SYT7: variants seen among roughly 807,000 people sequenced by gnomAD.
SYT7 encodes synaptotagmin-7.
A neutral mutation model predicts 75.1 loss-of-function variants in SYT7; 29 were observed. The ratio of observed to expected loss-of-function variants is 0.39; its 90% CI spans 0.29 to 0.53. The LOEUF (loss-of-function observed/expected upper bound fraction) is 0.53. Among genes scored for constraint, SYT7 ranks in the 20% least tolerant of loss-of-function variants. The probability of loss-of-function intolerance (pLI) is 0.77; values close to 1 mark genes in which losing one functional copy is unlikely to be tolerated. For synonymous variants in SYT7, 376 were observed against 401.7 expected (o/e 0.94, Z 0.76); for missense variants, 693 against 953.2 (o/e 0.73, Z 3.59).
At position 61,518,420 on chromosome 11, in the gene SYT7, G is replaced by GC. The variant is rs2062203871; in HGVS notation, c.*206dup. ...GCAAAGCAGGAAAATGCCTCCCAGA[G>GC]CCCCTTCCCCGGAGCTGGACTGTGG... is the stretch of plus-strand genomic sequence containing the variant. On this transcript the variant is annotated 3_prime_UTR_variant, in exon 13 of 13. Coordinates refer to ENST00000539008, the MANE Select transcript of SYT7 (RefSeq NM_001365809.2). 9.7e-6 allele frequency: 4 copies of GC among 412,796 alleles called. No individual in the cohort carries two copies. The highest frequency in any genetic ancestry group is 3.5e-5 in the East Asian group (1 of 28,276). The allele number at this position is 412,796 out of a possible 1,614,324, so 25.6% of individuals were successfully genotyped here. A position where few individuals can be genotyped will look rare whatever the true frequency, so the allele number is the denominator to read the frequency against.
intron 1 of SYT7, among the ~76,000 whole-genome samples, chr11:61,561,910 G>C (rs1252412011): frequency 1.3e-5 from 2 of 152,048 alleles, no homozygotes; most frequent in African/African-American, 4.8e-5. Flanking sequence ...TATCTCATTT[G>C]TCACCCAAAT....
rs2064209044 is a variant in SYT7, at chr11:61,580,131, G to A, written c.31+659C>T. 6.6e-6 allele frequency among the ~76,000 whole-genome samples: 1 copy of A among 151,928 alleles called. No individual in the cohort carries two copies. The highest frequency in any genetic ancestry group is 1.5e-5 in the Non-Finnish European group (1 of 67,948). On this transcript the variant is annotated intron_variant, in intron 1 of 12. Coordinates refer to ENST00000539008, the MANE Select transcript of SYT7 (RefSeq NM_001365809.2). This position sits in a 1 kb window ranked among gnomAD's most constrained non-coding sequence, Gnocchi z 6.1. ...ACCCCAGGACGGGAGAGAGTTTGGGGTTGTTTGCTTCCCCCTCCCCAAACC... is the reference window on the plus strand; with the variant it reads ...ACCCCAGGACGGGAGAGAGTTTGGGATTGTTTGCTTCCCCCTCCCCAAACC...
chr11:61,531,765 A>G (rs377211975), intron 8 of SYT7, among the ~76,000 whole-genome samples: 1 of 151,688 alleles, frequency 6.6e-6, no homozygotes, highest in African/African-American at 2.4e-5. Flanking sequence ...GTGGTGGTGT[A>G]CTACTGTAAT....
intron 1 of SYT7, among the ~76,000 whole-genome samples, chr11:61,557,940 C>T (rs905068476): frequency 2.6e-5 from 4 of 152,352 alleles, no homozygotes; most frequent in East Asian, 1.9e-4. Context: ...CACAGCCCCA[C>T]GGCCCATGGC....
At chr11:61,582,334 C>T (rs554614016), upstream of SYT7, among the ~76,000 whole-genome samples, 2 of 152,244 alleles carry the variant, frequency 1.3e-5, no homozygotes, top group African/African-American at 2.4e-5. Context: ...TTATTTCCAC[C>T]CTGAGAAATC....
At position 61,542,302 on chromosome 11, in the gene SYT7, C is replaced by T. The variant is rs2063065699; in HGVS notation, c.850G>A (p.Ala284Thr). The T allele has an allele frequency of 6.5e-7, 1 of 1,534,214 alleles. No homozygotes were observed. The highest frequency in any genetic ancestry group is 8.7e-7 in the Non-Finnish European group (1 of 1,146,028). Residue 284 changes from alanine to threonine, a missense_variant, in exon 6 of 13, where the codon GCG becomes ACG. By Grantham distance (58) the Ala-to-Thr change is moderately conservative. Transcript: ENST00000539008. This position sits in a 1 kb window ranked among gnomAD's most constrained non-coding sequence, Gnocchi z 7.8. ...TTGGAGCGGCTGCGGCCCCCTGCCG[C>T]CCGGTACTTGGAGCCGGCCGAGGTG... ...QGTSAGSKYR[A>T]AGGRSRSNPG...
At chr11:61,533,800 T>G (rs2062783734) in intron 7 of SYT7, 30 of 384,426 alleles carry the variant, frequency 7.8e-5, no homozygotes, top group Non-Finnish European at 1.0e-4. Flanking sequence ...ATTTTAATTT[T>G]GTTGAATGTA....
chr11:61,536,855 C>T (rs1298187861), intron 7 of SYT7, among the ~76,000 whole-genome samples: 1 of 152,208 alleles, frequency 6.6e-6, no homozygotes, highest in Non-Finnish European at 1.5e-5. Flanking sequence ...CTTCTGGCCC[C>T]TAGGGGCCTC....
chr11:61,557,169 G>A (rs2063520984), intron 1 of SYT7, among the ~76,000 whole-genome samples: 1 of 152,136 alleles, frequency 6.6e-6, no homozygotes, highest in Admixed American at 6.5e-5. Flanking sequence ...TGTAAGTAAG[G>A]CAAAAACTTT....
intron 7 of SYT7, among the ~76,000 whole-genome samples, chr11:61,536,285 C>T: frequency 6.6e-6 from 1 of 152,160 alleles, no homozygotes; most frequent in Non-Finnish European, 1.5e-5. Flanking sequence ...TGGAGTGAGA[C>T]CTAAGTGGCA....
Position 61,580,105 on chromosome 11 carries a change from C to A in SYT7, c.31+685G>T, listed in dbSNP as rs1206552992. Reference sequence around the variant, plus strand: ...AAGGCAAAGGAGTTCGGCCCTCCCCCACCCCAGGACGGGAGAGAGTTTGGG... The same window carrying A: ...AAGGCAAAGGAGTTCGGCCCTCCCCAACCCCAGGACGGGAGAGAGTTTGGG... On this transcript the variant is annotated intron_variant, in intron 1 of 12. Coordinates refer to ENST00000539008, the MANE Select transcript of SYT7 (RefSeq NM_001365809.2). This position sits in a 1 kb window ranked among gnomAD's most constrained non-coding sequence, Gnocchi z 6.1. Among the ~76,000 whole-genome samples the A allele has an allele frequency of 6.6e-6, 1 of 152,056 alleles. No individual in the cohort carries two copies. Among genetic ancestry groups the A allele is most frequent in the Non-Finnish European group, 1.5e-5 (1 of 67,982 alleles).
At chr11:61,550,569 T>A (rs1218475951) in intron 3 of SYT7, among the ~76,000 whole-genome samples, 2 of 152,092 alleles carry the variant, frequency 1.3e-5, no homozygotes, top group Non-Finnish European at 2.9e-5. Context: ...GATGTGGGGT[T>A]ACCACCCCTA....
At chr11:61,567,182 C>G (rs1390604803) in intron 1 of SYT7, among the ~76,000 whole-genome samples, 1 of 152,192 alleles carries the variant, frequency 6.6e-6, no homozygotes, top group African/African-American at 2.4e-5. Context: ...CCTGTTCTGT[C>G]ACTTCCAGTT....
chr11:61,584,507 G>A (rs1443560831), upstream of SYT7, among the ~76,000 whole-genome samples: 2 of 152,102 alleles, frequency 1.3e-5, no homozygotes, highest in Admixed American at 6.6e-5. Flanking sequence ...TAACAGAGAC[G>A]ACACATACTC....
chr11:61,579,557 A>G (rs2064184984), intron 1 of SYT7, among the ~76,000 whole-genome samples: 1 of 152,060 alleles, frequency 6.6e-6, no homozygotes, highest in South Asian at 2.1e-4. Context: ...CCGATTCCTC[A>G]GGAGGCAGGG....
chr11:61,545,926 G>A lies in SYT7; in HGVS notation c.572+105C>T, dbSNP rs955012728. 46 of 1,038,190 alleles carry A rather than the reference G, an allele frequency of 4.4e-5. 1 individual carries two copies. The highest frequency in any genetic ancestry group is 2.5e-4 in the East Asian group (9 of 36,276). 64.3% of individuals were successfully genotyped at this position (1,038,190 alleles called of 1,614,324 possible). A position where few individuals can be genotyped will look rare whatever the true frequency, so the allele number is the denominator to read the frequency against. ...ATGGAATGAGCCAGGGGCCGAGGAC[G>A]GCACCTCTGGGGGCAGCAGCGGGCA... On this transcript the variant is annotated intron_variant, in intron 5 of 12. Transcript: ENST00000539008.
In SYT7 at chr11:61,524,582, G is replaced by A. The variant is rs200985713; in HGVS notation, c.1472-50C>T. Reference sequence around the variant, plus strand: ...GAAGAGGGGGACAGAGGGGCTGCACGGGGCCCGGGAGGCAAGGAAGGCCCT... The same window carrying A: ...GAAGAGGGGGACAGAGGGGCTGCACAGGGCCCGGGAGGCAAGGAAGGCCCT... On this transcript the variant is annotated intron_variant, in intron 9 of 12. Transcript: ENST00000539008. The surrounding 1 kb of genome is among the most constrained non-coding windows in gnomAD (Gnocchi z 4.1). 1.6e-4 allele frequency: 240 copies of A among 1,517,326 alleles called. No individual in the cohort carries two copies. In the Admixed American group the frequency reaches 1.6e-3, roughly 10 times the overall value. The allele number at this position is 1,517,326 out of a possible 1,614,324, so 94.0% of individuals were successfully genotyped here.
At chr11:61,530,284 G>A (rs1196632006) in intron 8 of SYT7, among the ~76,000 whole-genome samples, 1 of 151,788 alleles carries the variant, frequency 6.6e-6, no homozygotes, top group African/African-American at 2.4e-5. Context: ...TGGGGGCACC[G>A]AGCTGCCTTA....
chr11:61,523,752 C>A lies in SYT7; in HGVS notation c.1756+75G>T. 7.0e-7 allele frequency: 1 copy of A among 1,437,116 alleles called. No homozygotes were observed. Among genetic ancestry groups the A allele is most frequent in the East Asian group, 2.3e-5 (1 of 44,032 alleles). 89.0% of individuals were successfully genotyped at this position (1,437,116 alleles called of 1,614,324 possible). A position where few individuals can be genotyped will look rare whatever the true frequency, so the allele number is the denominator to read the frequency against. ...GGTGAGGACCACTGCAGACCCTGCT[C>A]TCCACATCCGGTGTAAACCTTGTGT... On this transcript the variant is annotated intron_variant, in intron 11 of 12. Coordinates refer to ENST00000539008, the MANE Select transcript of SYT7 (RefSeq NM_001365809.2). The surrounding 1 kb of genome is among the most constrained non-coding windows in gnomAD (Gnocchi z 5.0).
Sources: allele counts gnomAD v4.1 joint callset (sites outside exome capture counted in the v4.1 genomes callset), GRCh38; gene constraint gnomAD v4.1.1; non-coding constraint Gnocchi (gnomAD v3.1); transcripts MANE v1.5; gene names NCBI Gene and HGNC (gene_info 2026-07-23, HGNC 2026-07-21).